The following ANO6 variants were observed in gnomAD, a reference collection of about 807,000 sequenced individuals.
ANO6 encodes anoctamin-6.
In ANO6, 106 loss-of-function variants were observed where a neutral mutation model predicts 117.5. The observed-to-expected ratio is 0.90, with a 90% CI of 0.77 to 1.06. The LOEUF (loss-of-function observed/expected upper bound fraction) is 1.06, where lower values mean the gene tolerates loss of function less well. Ranked by LOEUF, ANO6 falls within the 50% of genes least tolerant of loss-of-function variation. ANO6 has a pLI of 0.00. For synonymous variants in ANO6, 367 were observed against 385.1 expected (o/e 0.95, Z 0.55); for missense variants, 955 against 1,121.1 (o/e 0.85, Z 2.12).
At chr12:45,225,937 C>T (rs966445902) in intron 1 of ANO6, among the ~76,000 whole-genome samples, 2 of 152,144 alleles carry the variant, frequency 1.3e-5, no homozygotes, top group African/African-American at 4.8e-5. Context: ...ATTGGTAAAT[C>T]ATATGTAAAG....
intron 8 of ANO6, among the ~76,000 whole-genome samples, chr12:45,364,584 C>A (rs1488630283): frequency 6.6e-6 from 1 of 152,072 alleles, no homozygotes; most frequent in Non-Finnish European, 1.5e-5. Flanking sequence ...TGCCGAGGAG[C>A]CCTTCTAATG....
In ANO6 at chr12:45,390,447, C is replaced by T. The variant is rs761228008; in HGVS notation, c.1335C>T (p.Ala445=). The T allele has an allele frequency of 1.2e-6, 2 of 1,613,906 alleles. No homozygotes were observed. Among genetic ancestry groups the T allele is most frequent in the South Asian group, 1.1e-5 (1 of 91,044 alleles). The part of the protein sequence containing the change: ...TQEEERIPFT[A]WGKCIRITLC... ...AAGAAGAACGCATTCCCTTTACTGC[C>T]TGGGGAAAATGTATACGGATAACCC... The change falls in exon 12 of 20, where the codon GCC becomes GCT. Residue 445 remains alanine (A), a synonymous_variant. Transcript: ENST00000320560.
intron 1 of ANO6, among the ~76,000 whole-genome samples, chr12:45,232,241 C>T (rs1178880472): frequency 6.6e-6 from 1 of 152,162 alleles, no homozygotes; most frequent in African/African-American, 2.4e-5. Context: ...CACAGAAATG[C>T]ATTCATTTAC....
At chr12:45,363,354 G>A (rs1377804495) in intron 8 of ANO6, among the ~76,000 whole-genome samples, 2 of 152,096 alleles carry the variant, frequency 1.3e-5, no homozygotes, top group Non-Finnish European at 1.5e-5. Flanking sequence ...CACGAGGTCA[G>A]GAGTTTGAGA....
rs899102280 is a variant in ANO6 at position 45,431,276 on chromosome 12, T to C, written c.*1965T>C. The C allele has an allele frequency of 3.0e-6, 3 of 985,286 alleles. No homozygotes were observed. The highest frequency in any genetic ancestry group is 3.6e-6 in the Non-Finnish European group (3 of 829,944). 61.0% of individuals were successfully genotyped at this position (985,286 alleles called of 1,614,324 possible). A position where few individuals can be genotyped will look rare whatever the true frequency, so the allele number is the denominator to read the frequency against. On this transcript the variant is annotated 3_prime_UTR_variant, in exon 20 of 20. Coordinates refer to ENST00000320560, the MANE Select transcript of ANO6 (RefSeq NM_001025356.3). ...CAAGACGGGAGTGCCACTGTTCCTC[T>C]CTTCACTCCTGAGATACTGCTTCTG...
chr12:45,422,418 T>C (rs1163968786), intron 18 of ANO6, among the ~76,000 whole-genome samples: 3 of 152,190 alleles, frequency 2.0e-5, no homozygotes, highest in Non-Finnish European at 4.4e-5. Context: ...TAAAGATGGA[T>C]TCTTTTCTAC....
At chr12:45,412,954 A>T (rs554172495) in intron 16 of ANO6, among the ~76,000 whole-genome samples, 140 of 152,336 alleles carry the variant, frequency 9.2e-4, no homozygotes, top group Middle Eastern at 3.4e-3. Context: ...AGAGGTGGAC[A>T]TATTTAAAAG....
At chr12:45,409,264 A>G (rs1262839238) in intron 15 of ANO6, 93 bp from the exon 16 acceptor site, 10 of 1,491,152 alleles carry the variant, frequency 6.7e-6, no homozygotes, top group African/African-American at 1.4e-5. Flanking sequence ...TATTGGGAAG[A>G]TTACTTGTGC....
intron 3 of ANO6, 121 bp from the exon 4 acceptor site, chr12:45,346,901 G>A: frequency 1.2e-6 from 1 of 835,176 alleles, no homozygotes; most frequent in Non-Finnish European, 2.0e-6. Flanking sequence ...ACCAAATGCT[G>A]ATGCATTTCT....
chr12:45,249,870 C>CT (rs1947876769), intron 1 of ANO6, among the ~76,000 whole-genome samples: 1 of 152,166 alleles, frequency 6.6e-6, no homozygotes, highest in Non-Finnish European at 1.5e-5. Flanking sequence ...ATTGTCTTTT[C>CT]TTTATTCATT....
intron 19 of ANO6, among the ~76,000 whole-genome samples, chr12:45,425,780 G>C (rs1467955671): frequency 6.6e-6 from 1 of 152,170 alleles, no homozygotes; most frequent in African/African-American, 2.4e-5. Flanking sequence ...GTGAGGCTAA[G>C]AGTAGCCTAA....
intron 8 of ANO6, among the ~76,000 whole-genome samples, chr12:45,364,187 G>C (rs1043794278): frequency 6.6e-6 from 1 of 152,112 alleles, no homozygotes; most frequent in African/African-American, 2.4e-5. Context: ...CCCTTTATAT[G>C]TGATGAATCA....
chr12:45,239,986 G>T (rs1017829329), intron 1 of ANO6, among the ~76,000 whole-genome samples: 1 of 152,180 alleles, frequency 6.6e-6, no homozygotes, highest in East Asian at 1.9e-4. Context: ...GTGCTGAGAA[G>T]AATGTATATT....
rs150123325 is a variant in ANO6, at chr12:45,409,823, G to A, written c.2011+336G>A. Among the ~76,000 whole-genome samples, 1,435 of 152,108 alleles carry A rather than the reference G, an allele frequency of 9.4e-3. 27 individuals carry two copies. The highest frequency in any genetic ancestry group is 0.033 in the African/African-American group (1,350 of 41,494). ...CAGGCTGGAGTGTGGTGGTACAATCGTGGCTCACTGCAACCTCCACCTCCC... is the reference window on the plus strand; with the variant it reads ...CAGGCTGGAGTGTGGTGGTACAATCATGGCTCACTGCAACCTCCACCTCCC... On this transcript the variant is annotated intron_variant, in intron 16 of 19. Transcript: ENST00000320560.
chr12:45,255,818 G>GGTTTTTTTTTTTTTTTTTTTTT (rs749001458), intron 1 of ANO6, among the ~76,000 whole-genome samples: 3 of 81,714 alleles, frequency 3.7e-5, no homozygotes, highest in Admixed American at 1.4e-4. Context: ...CTCCCTGGGT[G>GGTTTTTTTTTTTTTTTTTTTTT]TTTTTTTTTT....
At chr12:45,367,656 T>G in intron 8 of ANO6, 32 bp from the exon 9 acceptor site, 1 of 1,577,224 alleles carries the variant, frequency 6.3e-7, no homozygotes, top group Non-Finnish European at 8.7e-7. Flanking sequence ...CTTTAAATTT[T>G]TTAAAATTAA....
chr12:45,262,256 C>A (rs1186723759), intron 1 of ANO6, among the ~76,000 whole-genome samples: 19 of 152,144 alleles, frequency 1.2e-4, no homozygotes. Context: ...TGGTATCCTG[C>A]CTTTTCACTT....
chr12:45,399,937 A>C (rs929610661), intron 12 of ANO6, among the ~76,000 whole-genome samples: 8 of 152,222 alleles, frequency 5.3e-5, no homozygotes, highest in African/African-American at 1.9e-4. Flanking sequence ...CTATGAAGAA[A>C]TATTGAAGTA....
chr12:45,245,507 G>A (rs1947811592), intron 1 of ANO6, among the ~76,000 whole-genome samples: 1 of 148,850 alleles, frequency 6.7e-6, no homozygotes, highest in Non-Finnish European at 1.5e-5. Flanking sequence ...TATAGAAAAT[G>A]TATTTGCTTG....
Sources: allele counts gnomAD v4.1 joint callset (sites outside exome capture counted in the v4.1 genomes callset), GRCh38; gene constraint gnomAD v4.1.1; transcripts MANE v1.5; gene names NCBI Gene and HGNC (gene_info 2026-07-23, HGNC 2026-07-21).